SGPP2: variants seen among roughly 807,000 people sequenced by gnomAD.
SGPP2 encodes the protein sphingosine-1-phosphate phosphatase 2.
In SGPP2, 30 loss-of-function variants were observed where a neutral mutation model predicts 33.9. The ratio of observed to expected loss-of-function variants is 0.89; its 90% CI spans 0.66 to 1.20. The LOEUF (loss-of-function observed/expected upper bound fraction) is 1.20. Ranked by LOEUF, SGPP2 falls within the 50% of genes most tolerant of loss-of-function variation. The probability of loss-of-function intolerance (pLI) is 0.00; values close to 1 mark genes in which losing one functional copy is unlikely to be tolerated. For synonymous variants in SGPP2, 233 were observed against 225.0 expected (o/e 1.04, Z -0.32); for missense variants, 458 against 532.1 (o/e 0.86, Z 1.37).
In SGPP2 at chr2:222,460,680, C is replaced by T. The variant is rs564464845; in HGVS notation, c.220-13888C>T. On this transcript the variant is annotated intron_variant, in intron 1 of 4. Coordinates refer to ENST00000321276, the MANE Select transcript of SGPP2 (RefSeq NM_152386.4). The surrounding 1 kb of genome is among the most constrained non-coding windows in gnomAD (Gnocchi z 4.3). ...CTGGCTTTGGCCTCCACTTCTAGCT[C>T]TGCTGCCTACGACTCCCTTTACAAA... Among the ~76,000 whole-genome samples, 42 of 152,294 alleles carry T rather than the reference C, an allele frequency of 2.8e-4. No individual in the cohort carries two copies. The highest frequency in any genetic ancestry group is 2.6e-3 in the Admixed American group (39 of 15,294).
At chr2:222,502,674 G>C (rs945423279) in intron 2 of SGPP2, among the ~76,000 whole-genome samples, 4 of 152,142 alleles carry the variant, frequency 2.6e-5, no homozygotes, top group African/African-American at 9.7e-5. Flanking sequence ...CATCTAAATG[G>C]CTCCTGTGCA....
chr2:222,532,398 A>G (rs1342063208), intron 4 of SGPP2, among the ~76,000 whole-genome samples: 3 of 152,084 alleles, frequency 2.0e-5, no homozygotes, highest in Admixed American at 6.5e-5. Flanking sequence ...TTAGGAAGTC[A>G]CTCCTTGTCA....
rs140294786 is a variant in SGPP2 at position 222,492,943 on chromosome 2, C to T, written c.378+18217C>T. ...CTCATCTCCATAAGAACCACCTCAG[C>T]CTGAACTTCATTGTCCATATTACTA... On this transcript the variant is annotated intron_variant, in intron 2 of 4. Transcript: ENST00000321276. Among the ~76,000 whole-genome samples the T allele has an allele frequency of 5.3e-5, 8 of 152,312 alleles. No homozygotes were observed. The East Asian group carries it at 1.4e-3, about 26-fold the overall frequency.
chr2:222,500,300 C>T (rs1217444998), intron 2 of SGPP2, among the ~76,000 whole-genome samples: 2 of 152,008 alleles, frequency 1.3e-5, no homozygotes, highest in Admixed American at 6.6e-5. Context: ...TCAGTCATGA[C>T]GGTCTTGATT....
At chr2:222,446,645 C>T (rs891752946) in intron 1 of SGPP2, among the ~76,000 whole-genome samples, 2 of 152,166 alleles carry the variant, frequency 1.3e-5, no homozygotes, top group African/African-American at 4.8e-5. Context: ...GTTCATTATT[C>T]ATCATGATTT....
intron 1 of SGPP2, among the ~76,000 whole-genome samples, chr2:222,450,530 G>A (rs1258535894): frequency 6.6e-6 from 1 of 152,210 alleles, no homozygotes; most frequent in Non-Finnish European, 1.5e-5. Context: ...CCTCAGGTAG[G>A]TGGACAGACT....
chr2:222,472,156 A>C (rs1057194925), intron 1 of SGPP2, among the ~76,000 whole-genome samples: 1 of 152,280 alleles, frequency 6.6e-6, no homozygotes, highest in South Asian at 2.1e-4. Context: ...TTCGGAGGCA[A>C]GTGATTTTTC....
At chr2:222,503,511 T>C (rs1470439444) in intron 2 of SGPP2, among the ~76,000 whole-genome samples, 1 of 152,168 alleles carries the variant, frequency 6.6e-6, no homozygotes, top group Non-Finnish European at 1.5e-5. Context: ...AGATCTCAAG[T>C]CCCTGGTAAT....
At chr2:222,482,791 T>A (rs1209712865) in intron 2 of SGPP2, among the ~76,000 whole-genome samples, 1 of 152,158 alleles carries the variant, frequency 6.6e-6, no homozygotes, top group Non-Finnish European at 1.5e-5. Flanking sequence ...TCCAAACAGC[T>A]GTATTGGGTA....
rs369507692 is a variant in SGPP2, at chr2:222,520,722, G to GAA, written c.379-1023_379-1022dup. On this transcript the variant is annotated intron_variant, in intron 2 of 4. Transcript: ENST00000321276. ...AGCCTGGGTGACAGAGTGAGACTCT[G>GAA]AAAAAAAAAAAAAAAAAAAAAAACC... 9.6e-3 allele frequency among the ~76,000 whole-genome samples: 379 copies of GAA among 39,554 alleles called. 3 individuals carry two copies. Among genetic ancestry groups the GAA allele is most frequent in the South Asian group, 0.074 (59 of 800 alleles). The allele number at this position is 39,554 out of a possible 152,430, so 25.9% of individuals were successfully genotyped here. A position where few individuals can be genotyped will look rare whatever the true frequency, so the allele number is the denominator to read the frequency against.
At chr2:222,545,179 T>C (rs1489890774) in intron 4 of SGPP2, among the ~76,000 whole-genome samples, 1 of 152,216 alleles carries the variant, frequency 6.6e-6, no homozygotes, top group East Asian at 1.9e-4. Context: ...TTTATTATGA[T>C]TTCTTTCTTC....
intron 2 of SGPP2, among the ~76,000 whole-genome samples, chr2:222,499,249 A>T (rs1698329287): frequency 6.6e-6 from 1 of 152,224 alleles, no homozygotes; most frequent in Non-Finnish European, 1.5e-5. Flanking sequence ...CTCATTAAAA[A>T]GGGTCATGGG....
intron 2 of SGPP2, among the ~76,000 whole-genome samples, chr2:222,499,848 C>A (rs368120592): frequency 5.8e-4 from 89 of 152,252 alleles, no homozygotes; most frequent in African/African-American, 2.0e-3. Context: ...CTAAATAAGG[C>A]CTTCCATGGA....
At chr2:222,536,547 G>A (rs1698918089) in intron 4 of SGPP2, among the ~76,000 whole-genome samples, 1 of 152,254 alleles carries the variant, frequency 6.6e-6, no homozygotes, top group East Asian at 1.9e-4. Context: ...AGGCATGGTA[G>A]CAGGCACCTG....
At chr2:222,558,082 A>C (rs1297105831) in intron 4 of SGPP2, among the ~76,000 whole-genome samples, 1 of 152,236 alleles carries the variant, frequency 6.6e-6, no homozygotes, top group African/African-American at 2.4e-5. Context: ...GTTATTCATT[A>C]AGAAAACAAA....
Position 222,560,172 on chromosome 2 carries a change from G to A in SGPP2, c.*1274G>A, listed in dbSNP as rs1168767798. The A allele has an allele frequency of 3.9e-5, 6 of 152,236 alleles. No homozygotes were observed. The East Asian group carries it at 1.2e-3, about 29-fold the overall frequency. The allele number at this position is 152,236 out of a possible 1,614,324, so 9.4% of individuals were successfully genotyped here. On this transcript the variant is annotated 3_prime_UTR_variant, in exon 5 of 5. Coordinates refer to ENST00000321276, the MANE Select transcript of SGPP2 (RefSeq NM_152386.4). The stretch of plus-strand genomic sequence containing the variant: ...CTGGAAGGCACTGGCATCTGCCTAG[G>A]AAAGTGGATCTGTGAAGAACAGATG...
chr2:222,453,802 A>ATGTT (rs1435258310), intron 1 of SGPP2, among the ~76,000 whole-genome samples: 1 of 152,172 alleles, frequency 6.6e-6, no homozygotes, highest in Non-Finnish European at 1.5e-5. Flanking sequence ...AGGGAACCAA[A>ATGTT]TGTTATATGC....
intron 2 of SGPP2, among the ~76,000 whole-genome samples, chr2:222,491,252 A>C (rs2106110561): frequency 1.3e-5 from 2 of 152,260 alleles, no homozygotes; most frequent in Middle Eastern, 3.4e-3. Context: ...CCCCTGCCTC[A>C]GCTTCCTGAG....
intron 1 of SGPP2, among the ~76,000 whole-genome samples, chr2:222,455,402 A>C (rs1445423029): frequency 6.6e-6 from 1 of 152,098 alleles, no homozygotes; most frequent in Non-Finnish European, 1.5e-5. Context: ...GCTTAGGACA[A>C]AGCTCAGGAG....
Sources: allele counts gnomAD v4.1 joint callset (sites outside exome capture counted in the v4.1 genomes callset), GRCh38; gene constraint gnomAD v4.1.1; non-coding constraint Gnocchi (gnomAD v3.1); transcripts MANE v1.5; gene names NCBI Gene and HGNC (gene_info 2026-07-23, HGNC 2026-07-21).